The following VPS13B variants were observed in gnomAD, a reference collection of about 807,000 sequenced individuals.
The protein encoded by VPS13B is intermembrane lipid transfer protein VPS13B.
Under a neutral mutation model 426.4 loss-of-function variants are expected in VPS13B, and 285 were observed. The ratio of observed to expected loss-of-function variants is 0.67; its 90% confidence interval spans 0.61 to 0.74. The LOEUF is 0.74. Ranked by LOEUF, VPS13B falls within the 30% of genes least tolerant of loss-of-function variation. VPS13B has a pLI of 0.00. For synonymous variants in VPS13B, 1,676 were observed against 1,676.4 expected (o/e 1.00, Z 0.01); for missense variants, 4,537 against 4,782.6 (o/e 0.95, Z 1.51).
intron 35 of VPS13B, among the ~76,000 whole-genome samples, chr8:99,669,114 G>A (rs1014850456): frequency 5.9e-5 from 9 of 152,110 alleles, no homozygotes; most frequent in Non-Finnish European, 8.8e-5. Flanking sequence ...GATCAGATAC[G>A]TCTTATATTG....
At chr8:99,425,054 A>G (rs3134186) in intron 21 of VPS13B, among the ~76,000 whole-genome samples, 42,585 of 152,020 alleles carry the variant, frequency 0.28, 6,688 homozygotes, top group East Asian at 0.44. Flanking sequence ...AACAGGCTCT[A>G]AAATTGAGGC....
rs1025799789 is a variant in VPS13B at position 99,817,903 on chromosome 8, A to G, written c.8361+100A>G. 5 of 1,576,282 alleles carry G rather than the reference A, an allele frequency of 3.2e-6. 1 individual carries two copies. In the South Asian group the frequency reaches 3.4e-5, roughly 11 times the overall value. ...AGCACTTAATTTATTAAAAAGTGAC[A>G]TATAAAAAAGGGGAGTGAAAGGCTT... On this transcript the variant is annotated intron_variant, in intron 45 of 61. Transcript: ENST00000357162.
chr8:99,643,516 G>A (rs1480489038), intron 34 of VPS13B, among the ~76,000 whole-genome samples: 1 of 152,114 alleles, frequency 6.6e-6, no homozygotes, highest in East Asian at 1.9e-4. Flanking sequence ...TCTAGGCCAG[G>A]GTTTAGTGCA....
intron 17 of VPS13B, among the ~76,000 whole-genome samples, chr8:99,261,474 A>T (rs757883392): frequency 3.9e-5 from 6 of 152,076 alleles, no homozygotes; most frequent in Non-Finnish European, 7.4e-5. Context: ...CTACTAAGGG[A>T]CATCTTGGTT....
rs553967551 is a variant in VPS13B, at chr8:99,868,593, C to T, written c.11392+128C>T. On this transcript the variant is annotated intron_variant, in intron 59 of 61. Coordinates refer to ENST00000357162, the MANE Select transcript of VPS13B (RefSeq NM_152564.5). ...TGGCTATCTTTCTTACCTCTCTATG[C>T]TTATTTACACAGAGTAGAATTTTAC... 15 of 1,083,718 alleles carry T rather than the reference C, an allele frequency of 1.4e-5. No individual in the cohort carries two copies. In the African/African-American group the frequency reaches 2.0e-4, roughly 15 times the overall value. 67.1% of individuals were successfully genotyped at this position (1,083,718 alleles called of 1,614,324 possible).
intron 3 of VPS13B, among the ~76,000 whole-genome samples, chr8:99,053,830 G>A (rs1306882502): frequency 6.6e-6 from 1 of 151,792 alleles, no homozygotes; most frequent in East Asian, 1.9e-4. Context: ...AGCCTCCTGA[G>A]TAGCTGGGAT....
intron 24 of VPS13B, among the ~76,000 whole-genome samples, chr8:99,475,968 A>T (rs1275773269): frequency 6.6e-6 from 1 of 152,252 alleles, no homozygotes; most frequent in Non-Finnish European, 1.5e-5. Context: ...TACTCAATAA[A>T]TCCTCATAAA....
In VPS13B at chr8:99,079,831, A is replaced by G. The variant is rs1047771034; in HGVS notation, c.292-16481A>G. 2.0e-5 allele frequency among the ~76,000 whole-genome samples: 3 copies of G among 151,962 alleles called. No homozygotes were observed. The South Asian group carries it at 6.3e-4, about 32-fold the overall frequency. On this transcript the variant is annotated intron_variant, in intron 3 of 61. Transcript: ENST00000357162. Reference sequence around the variant, plus strand: ...AAGTGGTTTTCCGGGAGGCTGAGGCAGGAGAATCGCTTGAACCCGGGAGGT... The same window carrying G: ...AAGTGGTTTTCCGGGAGGCTGAGGCGGGAGAATCGCTTGAACCCGGGAGGT...
At chr8:99,282,250 A>G (rs538955341) in intron 19 of VPS13B, among the ~76,000 whole-genome samples, 16 of 152,168 alleles carry the variant, frequency 1.1e-4, no homozygotes, top group South Asian at 2.1e-4. Flanking sequence ...GTAATTTTCT[A>G]TATGATTTGT....
At chr8:99,524,439 A>T (rs1030867146) in intron 30 of VPS13B, among the ~76,000 whole-genome samples, 1 of 152,170 alleles carries the variant, frequency 6.6e-6, no homozygotes, top group Non-Finnish European at 1.5e-5. Flanking sequence ...TTAATCATCA[A>T]ACTCCCAAAG....
chr8:99,491,003 C>T (rs1040189977), intron 25 of VPS13B, among the ~76,000 whole-genome samples: 6 of 152,022 alleles, frequency 3.9e-5, no homozygotes, highest in Admixed American at 2.6e-4. Flanking sequence ...TTTAGGGTGT[C>T]GATTTTAGAT....
Position 99,282,765 on chromosome 8 carries a change from G to A in VPS13B, c.2824+7511G>A, listed in dbSNP as rs184016000. On this transcript the variant is annotated intron_variant, in intron 19 of 61. Coordinates refer to ENST00000357162, the MANE Select transcript of VPS13B (RefSeq NM_152564.5). ...ATTTAAAATAAGTGTTCCTCTTAAC[G>A]TATCTTTAAATGTAATGCCAATGTA... 2.7e-3 allele frequency among the ~76,000 whole-genome samples: 411 copies of A among 152,158 alleles called. 10 individuals are homozygous for A. Among genetic ancestry groups the A allele is most frequent in the Admixed American group, 0.021 (328 of 15,272 alleles).
intron 33 of VPS13B, among the ~76,000 whole-genome samples, chr8:99,639,269 C>T (rs1366929936): frequency 6.6e-6 from 1 of 152,030 alleles, no homozygotes; most frequent in Non-Finnish European, 1.5e-5. Context: ...TAAAATATAT[C>T]ATATAATAGA....
At chr8:99,265,362 T>C (rs1818243381) in intron 17 of VPS13B, among the ~76,000 whole-genome samples, 1 of 152,178 alleles carries the variant, frequency 6.6e-6, no homozygotes, top group South Asian at 2.1e-4. Context: ...GTGTCATGTT[T>C]CCTTTTTCTT....
At chr8:99,472,648 AAAGT>A (rs1819474486) in intron 24 of VPS13B, among the ~76,000 whole-genome samples, 1 of 151,992 alleles carries the variant, frequency 6.6e-6, no homozygotes, top group Admixed American at 6.6e-5. Flanking sequence ...AGAGAAACCC[AAAGT>A]AAGTAAAAAG....
chr8:99,428,612 A>G (rs1816880199), intron 21 of VPS13B, among the ~76,000 whole-genome samples: 1 of 152,202 alleles, frequency 6.6e-6, no homozygotes, highest in Non-Finnish European at 1.5e-5. Flanking sequence ...TAGAATGGTG[A>G]TCATTAAAAA....
chr8:99,356,866 T>C (rs1205517882), intron 19 of VPS13B, among the ~76,000 whole-genome samples: 1 of 152,194 alleles, frequency 6.6e-6, no homozygotes, highest in Non-Finnish European at 1.5e-5. Flanking sequence ...AGCTCTTTCA[T>C]TTCTGTTTTA....
chr8:99,266,572 G>A (rs186130233), intron 17 of VPS13B, among the ~76,000 whole-genome samples: 2 of 152,242 alleles, frequency 1.3e-5, no homozygotes, highest in East Asian at 3.9e-4. Flanking sequence ...ATTCCCACAT[G>A]TCACGGGAGA....
chr8:99,776,994 A>T, intron 41 of VPS13B, 38 bp downstream of exon 41: 1 of 1,580,986 alleles, frequency 6.3e-7, no homozygotes, highest in African/African-American at 1.3e-5. Context: ...CATCCATTTA[A>T]TACTTACCAT....
Sources: gnomAD v4.1 joint callset for allele counts (sites outside exome capture counted in the v4.1 genomes callset) on GRCh38, gnomAD v4.1.1 for gene constraint, MANE v1.5 for transcripts, NCBI Gene and HGNC (gene_info 2026-07-23, HGNC 2026-07-21) for gene names.